Variants in ADAM17 observed in about 807,000 individuals in gnomAD.
ADAM17 encodes the protein disintegrin and metalloproteinase domain-containing protein 17.
Under a neutral mutation model 96.7 loss-of-function variants are expected in ADAM17, and 39 were observed. The ratio of observed to expected loss-of-function variants is 0.40; its 90% confidence interval spans 0.31 to 0.53. The LOEUF (loss-of-function observed/expected upper bound fraction) is 0.53. Among genes scored for constraint, ADAM17 ranks in the 20% least tolerant of loss-of-function variants. The probability of loss-of-function intolerance (pLI) is 0.44; values close to 1 mark genes in which losing one functional copy is unlikely to be tolerated. For missense variants in ADAM17, 777 were observed against 1,013.2 expected (o/e 0.77, Z 3.17); for synonymous variants, 344 against 359.2 (o/e 0.96, Z 0.48).
rs1302640294 is a variant in ADAM17, at chr2:9,526,321, CAT to C, written c.620-79_620-78del. ...TTTTATGGTAACACTTTAAATCTAA[CAT>C]ATTTTTGAAACAAACATTATGTGAG... On this transcript the variant is annotated intron_variant, in intron 5 of 18. Coordinates refer to ENST00000310823, the MANE Select transcript of ADAM17 (RefSeq NM_003183.6). The C allele has an allele frequency of 6.9e-6, 10 of 1,446,306 alleles. No homozygotes were observed. The East Asian group carries it at 2.3e-4, about 34-fold the overall frequency. The allele number at this position is 1,446,306 out of a possible 1,614,324, so 89.6% of individuals were successfully genotyped here.
chr2:9,544,047 C>T (rs35933838), intron 1 of ADAM17, among the ~76,000 whole-genome samples: 21,717 of 151,980 alleles, frequency 0.14, 1,641 homozygotes, highest in Non-Finnish European at 0.16. Flanking sequence ...AAAACAAAAA[C>T]TCAATTTAAC....
At chr2:9,521,405 G>T in intron 7 of ADAM17, 89 bp from the exon 8 acceptor site, 1 of 936,236 alleles carries the variant, frequency 1.1e-6, no homozygotes, top group Non-Finnish European at 1.6e-6. Flanking sequence ...TTCAAAAAAA[G>T]AATCGTTCTA....
At chr2:9,516,880 A>G (rs1664085556) in intron 10 of ADAM17, among the ~76,000 whole-genome samples, 1 of 152,210 alleles carries the variant, frequency 6.6e-6, no homozygotes, top group Non-Finnish European at 1.5e-5. Context: ...CAATATACTC[A>G]GCTAAAATAG....
chr2:9,506,530 C>A (rs1202206814), intron 11 of ADAM17, among the ~76,000 whole-genome samples: 1 of 151,944 alleles, frequency 6.6e-6, no homozygotes, highest in Non-Finnish European at 1.5e-5. Context: ...CCACGCCCAG[C>A]TAATTTTTGT....
At chr2:9,525,829 G>A (rs1306278336) in intron 6 of ADAM17, among the ~76,000 whole-genome samples, 1 of 152,184 alleles carries the variant, frequency 6.6e-6, no homozygotes, top group Non-Finnish European at 1.5e-5. Flanking sequence ...TGTTTTTAAA[G>A]AACTCACTTA....
chr2:9,547,032 A>G (rs1665424375), intron 1 of ADAM17, among the ~76,000 whole-genome samples: 1 of 152,226 alleles, frequency 6.6e-6, no homozygotes, highest in South Asian at 2.1e-4. Context: ...AAAAACTACA[A>G]TGGCTGCCTA....
At chr2:9,499,348 G>A (rs111279510) in intron 13 of ADAM17, among the ~76,000 whole-genome samples, 145 of 152,174 alleles carry the variant, frequency 9.5e-4, no homozygotes, top group African/African-American at 3.3e-3. Flanking sequence ...ATTGAGCATA[G>A]CTAGCAAATG....
chr2:9,529,248 G>T (rs570024054), intron 4 of ADAM17, among the ~76,000 whole-genome samples: 105 of 152,246 alleles, frequency 6.9e-4, no homozygotes, highest in African/African-American at 2.3e-3. Context: ...TCAGGAGTTT[G>T]AGAACAGCCT....
Position 9,521,303 on chromosome 2 carries a change from T to G in ADAM17, c.857A>C (p.Lys286Thr). The change falls in exon 8 of 19, where the codon AAG becomes ACG. Residue 286 changes from lysine to threonine, a missense_variant. By Grantham distance (78) the Lys-to-Thr change is moderately conservative (BLOSUM62 -1). This residue lies in a region of ADAM17 where 446 missense variants were observed against 664.7 expected (regional missense o/e 0.67). Coordinates refer to ENST00000310823, the MANE Select transcript of ADAM17 (RefSeq NM_003183.6). Reference sequence around the variant, plus strand: ...ACCAGGTTTTACCTCTTGTGGAGACTTGAGAATGCGAATCTATACTTAAAG... The same window carrying G: ...ACCAGGTTTTACCTCTTGTGGAGACGTGAGAATGCGAATCTATACTTAAAG... The part of the protein sequence containing the change: ...GIQIEQIRIL[K>T]SPQEVKPGEK... 3.7e-6 allele frequency: 6 copies of G among 1,604,846 alleles called. No individual in the cohort carries two copies. Among genetic ancestry groups the G allele is most frequent in the Non-Finnish European group, 5.1e-6 (6 of 1,171,760 alleles).
intron 2 of ADAM17, among the ~76,000 whole-genome samples, chr2:9,538,774 T>C (rs1409900768): frequency 6.6e-6 from 1 of 152,234 alleles, no homozygotes; most frequent in African/African-American, 2.4e-5. Context: ...AAATTTCTTT[T>C]ACTTTATCCT....
chr2:9,515,735 CAAAAAA>C (rs56888068), intron 10 of ADAM17, among the ~76,000 whole-genome samples: 5 of 118,092 alleles, frequency 4.2e-5, no homozygotes, highest in Admixed American at 9.3e-5. Flanking sequence ...ACTCCGTCTC[CAAAAAA>C]AAAAAAAAAA....
chr2:9,507,508 C>A (rs1663481726), intron 11 of ADAM17, among the ~76,000 whole-genome samples: 1 of 152,106 alleles, frequency 6.6e-6, no homozygotes, highest in African/African-American at 2.4e-5. Context: ...CTCAAAAAAT[C>A]ATAATAAATA....
In ADAM17 at chr2:9,489,706, CTT is replaced by C. The variant is rs1661931933; in HGVS notation, c.*469_*470del. The C allele has an allele frequency of 8.3e-6, 1 of 119,926 alleles. No individual in the cohort carries two copies. The highest frequency in any genetic ancestry group is 1.6e-5 in the Non-Finnish European group (1 of 61,314). 7.4% of individuals were successfully genotyped at this position (119,926 alleles called of 1,614,324 possible). A position where few individuals can be genotyped will look rare whatever the true frequency, so the allele number is the denominator to read the frequency against. On this transcript the variant is annotated 3_prime_UTR_variant, in exon 19 of 19. Transcript: ENST00000310823. ...AGACAATGTATACTAGATTTATCTC[CTT>C]TGTTTTTAGTTGAAGGCAAAAAAAA...
chr2:9,510,153 A>G (rs920818479), intron 10 of ADAM17, 22 bp from the exon 11 acceptor site: 2 of 1,613,364 alleles, frequency 1.2e-6, no homozygotes, highest in African/African-American at 1.3e-5. Context: ...TGCAAAGAAA[A>G]CATTATTTCT....
intron 13 of ADAM17, among the ~76,000 whole-genome samples, chr2:9,501,518 G>C (rs551511678): frequency 2.6e-5 from 4 of 152,188 alleles, no homozygotes; most frequent in Non-Finnish European, 5.9e-5. Flanking sequence ...GAAGGCAATG[G>C]AAGTAGCTAC....
chr2:9,524,550 G>C (rs1390639235), intron 6 of ADAM17, among the ~76,000 whole-genome samples: 4 of 151,802 alleles, frequency 2.6e-5, no homozygotes, highest in Admixed American at 1.3e-4. Flanking sequence ...CCACACCCCC[G>C]CACTGTTCCT....
rs55909096 is a variant in ADAM17, at chr2:9,520,964, C to CAA, written c.957+237_957+238dup. On this transcript the variant is annotated intron_variant, in intron 8 of 18. Coordinates refer to ENST00000310823, the MANE Select transcript of ADAM17 (RefSeq NM_003183.6). ...GGGCAACAAGAGTGAAACTCTGTCT[C>CAA]AAAAAAAAAAAAAAAAAAAAAAGGA... 3.7e-3 allele frequency among the ~76,000 whole-genome samples: 97 copies of CAA among 26,230 alleles called. 12 individuals are homozygous for CAA. Among genetic ancestry groups the CAA allele is most frequent in the Non-Finnish European group, 6.3e-3 (72 of 11,356 alleles). 17.2% of individuals were successfully genotyped at this position (26,230 alleles called of 152,430 possible). A position where few individuals can be genotyped will look rare whatever the true frequency, so the allele number is the denominator to read the frequency against.
rs1663648695 is a variant in ADAM17, at chr2:9,510,049, G to A, written c.1274C>T (p.Pro425Leu). 4 of 1,614,034 alleles carry A rather than the reference G, an allele frequency of 2.5e-6. No homozygotes were observed. Among genetic ancestry groups the A allele is most frequent in the Non-Finnish European group, 3.4e-6 (4 of 1,179,980 alleles). ...ATATTTCCCTCCCTGGTCCTCATTC[G>A]GGGCACATTCTGCTAGACCATCCGG... ...HDPDGLAECA[P>L]NEDQGGKYVM... Residue 425 changes from proline (P) to leucine (L), a missense_variant, in exon 11 of 19, where the codon CCG becomes CTG. Around this residue, in one of 3 missense-constraint regions of ADAM17, gnomAD observed 446 missense variants for 664.7 expected, o/e 0.67. Coordinates refer to ENST00000310823, the MANE Select transcript of ADAM17 (RefSeq NM_003183.6).
intron 10 of ADAM17, among the ~76,000 whole-genome samples, chr2:9,513,242 C>T (rs1393539921): frequency 6.6e-6 from 1 of 152,210 alleles, no homozygotes; most frequent in Admixed American, 6.5e-5. Flanking sequence ...TATCTACCCA[C>T]CTCGGCCTCC....
Sources: gnomAD v4.1 joint callset for allele counts (sites outside exome capture counted in the v4.1 genomes callset) on GRCh38, gnomAD v4.1.1 for gene constraint, gnomAD v4.1.1 regional missense constraint, MANE v1.5 for transcripts, NCBI Gene and HGNC (gene_info 2026-07-23, HGNC 2026-07-21) for gene names.